The following RNF150 variants were observed in gnomAD, a reference collection of about 807,000 sequenced individuals.
RNF150 encodes the protein ring finger protein 150.
A neutral mutation model predicts 39.3 loss-of-function variants in RNF150; 24 were observed. The ratio of observed to expected loss-of-function variants is 0.61; its 90% CI spans 0.44 to 0.86. The LOEUF is 0.86. Ranked by LOEUF, RNF150 falls within the 40% of genes least tolerant of loss-of-function variation. RNF150 has a pLI of 0.00. For missense variants in RNF150, 502 were observed against 587.8 expected (o/e 0.85, Z 1.51); for synonymous variants, 255 against 227.3 (o/e 1.12, Z -1.10).
chr4:141,155,373 C>T (rs1033098537), intron 1 of RNF150, among the ~76,000 whole-genome samples: 1 of 151,246 alleles, frequency 6.6e-6, no homozygotes, highest in Admixed American at 6.6e-5. Flanking sequence ...GCTGGGATTA[C>T]AGGCGTGAGC....
chr4:140,870,624 C>T (rs547256556), intron 6 of RNF150, among the ~76,000 whole-genome samples: 3 of 152,134 alleles, frequency 2.0e-5, no homozygotes, highest in Non-Finnish European at 2.9e-5. Context: ...AGGGTCGTGG[C>T]GTGCTGTTGT....
At chr4:141,104,008 G>T (rs958712953) in intron 1 of RNF150, among the ~76,000 whole-genome samples, 4 of 152,150 alleles carry the variant, frequency 2.6e-5, no homozygotes, top group Non-Finnish European at 4.4e-5. Flanking sequence ...ATTTATTAAG[G>T]TTTTGCAATA....
At chr4:140,885,201 CTTTTT>C (rs752444379) in intron 6 of RNF150, among the ~76,000 whole-genome samples, 2 of 129,140 alleles carry the variant, frequency 1.5e-5, no homozygotes, top group Non-Finnish European at 3.3e-5. Flanking sequence ...CAACATCAGT[CTTTTT>C]TTTTTTTTTT....
upstream of RNF150, among the ~76,000 whole-genome samples, chr4:141,135,437 G>A (rs1727015165): frequency 6.6e-6 from 1 of 152,206 alleles, no homozygotes; most frequent in Non-Finnish European, 1.5e-5. Context: ...CATGATGGGA[G>A]TATGTCAAAA....
At chr4:141,013,147 G>A (rs75530766) in intron 1 of RNF150, among the ~76,000 whole-genome samples, 2,128 of 152,212 alleles carry the variant, frequency 0.014, 32 homozygotes, top group East Asian at 0.056. Context: ...ATGTCATGGT[G>A]GTTGTATCTT....
At chr4:141,126,178 A>C (rs1459968996) in intron 1 of RNF150, among the ~76,000 whole-genome samples, 1 of 152,180 alleles carries the variant, frequency 6.6e-6, no homozygotes, top group Non-Finnish European at 1.5e-5. Flanking sequence ...CATAAATGAT[A>C]GCCAGACTGC....
chr4:141,204,204 G>A (rs575862755), intron 1 of RNF150, among the ~76,000 whole-genome samples: 127 of 152,286 alleles, frequency 8.3e-4, no homozygotes, highest in Admixed American at 1.6e-3. Flanking sequence ...ATGGGCAGAT[G>A]TGATCAGAAG....
chr4:140,904,701 A>C (rs147526571), intron 6 of RNF150, among the ~76,000 whole-genome samples: 285 of 152,348 alleles, frequency 1.9e-3, no homozygotes, highest in African/African-American at 6.3e-3. Context: ...TCTGAAGTTT[A>C]TGCCAACCCT....
At chr4:141,010,755 G>C (rs1284520971) in intron 1 of RNF150, among the ~76,000 whole-genome samples, 1 of 152,082 alleles carries the variant, frequency 6.6e-6, no homozygotes, top group African/African-American at 2.4e-5. Context: ...GGAGTGCACG[G>C]AGACAGTATG....
intron 1 of RNF150, among the ~76,000 whole-genome samples, chr4:141,002,611 C>A (rs953225527): frequency 6.6e-6 from 1 of 151,996 alleles, no homozygotes; most frequent in South Asian, 2.1e-4. Context: ...TGGCCTAATA[C>A]CACTGACAAA....
chr4:140,992,524 C>G (rs1252855199), intron 1 of RNF150, among the ~76,000 whole-genome samples: 1 of 152,140 alleles, frequency 6.6e-6, no homozygotes, highest in Non-Finnish European at 1.5e-5. Context: ...TCAGCTGGGC[C>G]TTGCTCCCAC....
rs1384485948 is a variant in RNF150 at position 140,865,258 on chromosome 4, TC to T, written c.*3002del. ...ATGATTAAAATTATCTTTACCTGTT[TC>T]TTTTTACACTTTAAAATGTGGCTAG... On this transcript the variant is annotated 3_prime_UTR_variant, in exon 7 of 7. Transcript: ENST00000515673. The T allele has an allele frequency of 3.3e-5, 5 of 152,260 alleles. No individual in the cohort carries two copies. The highest frequency in any genetic ancestry group is 1.2e-4 in the African/African-American group (5 of 41,474). The allele number at this position is 152,260 out of a possible 1,614,324, so 9.4% of individuals were successfully genotyped here.
intron 4 of RNF150, among the ~76,000 whole-genome samples, chr4:140,940,083 G>A: frequency 6.6e-6 from 1 of 152,304 alleles, no homozygotes; most frequent in East Asian, 1.9e-4. Flanking sequence ...CACAGTGGGT[G>A]CTCCAGCACT....
chr4:141,036,128 T>C (rs929018993), intron 1 of RNF150, among the ~76,000 whole-genome samples: 2 of 152,196 alleles, frequency 1.3e-5, no homozygotes, highest in African/African-American at 4.8e-5. Flanking sequence ...CTGCTAAAGA[T>C]ATCTATGGCA....
At chr4:141,135,877 TA>T (rs1727020045), upstream of RNF150, among the ~76,000 whole-genome samples, 1 of 152,206 alleles carries the variant, frequency 6.6e-6, no homozygotes, top group Non-Finnish European at 1.5e-5. Flanking sequence ...TCACCATTTG[TA>T]GAATGAGTCC....
At chr4:141,024,655 G>A (rs1171894646) in intron 1 of RNF150, among the ~76,000 whole-genome samples, 2 of 152,194 alleles carry the variant, frequency 1.3e-5, no homozygotes, top group East Asian at 3.8e-4. Context: ...AGTGAAAAGT[G>A]TGCGGGTGGC....
At chr4:140,870,592 G>C (rs1346219870) in intron 6 of RNF150, among the ~76,000 whole-genome samples, 1 of 152,012 alleles carries the variant, frequency 6.6e-6, no homozygotes, top group Non-Finnish European at 1.5e-5. Context: ...CCCCATGCCT[G>C]ATTTGTGCTT....
At chr4:141,070,102 A>G (rs1257689957) in intron 1 of RNF150, among the ~76,000 whole-genome samples, 1 of 152,144 alleles carries the variant, frequency 6.6e-6, no homozygotes, top group African/African-American at 2.4e-5. Flanking sequence ...CTGATCTTTG[A>G]CAAACCTGAG....
intron 4 of RNF150, among the ~76,000 whole-genome samples, chr4:140,935,153 C>T (rs11944147): frequency 0.6 from 85,833 of 143,212 alleles, 26,114 homozygotes; most frequent in Non-Finnish European, 0.64. Context: ...CTCTGCATTG[C>T]GTTAGATTTA....
Sources: allele counts gnomAD v4.1 joint callset (sites outside exome capture counted in the v4.1 genomes callset), GRCh38; gene constraint gnomAD v4.1.1; transcripts MANE v1.5; gene names NCBI Gene and HGNC (gene_info 2026-07-23, HGNC 2026-07-21).